L2HGDH: variants seen among roughly 807,000 people sequenced by gnomAD.
The protein encoded by L2HGDH is L-2-hydroxyglutarate dehydrogenase.
Under a neutral mutation model 51.5 loss-of-function variants are expected in L2HGDH, and 34 were observed. The ratio of observed to expected loss-of-function variants is 0.66; its 90% confidence interval spans 0.50 to 0.88. The LOEUF is 0.88. L2HGDH is among the 40% of genes least tolerant of loss of function. The probability of loss-of-function intolerance (pLI) is 0.00; values close to 1 mark genes in which losing one functional copy is unlikely to be tolerated. For missense variants in L2HGDH, 558 were observed against 571.9 expected (o/e 0.98, Z 0.25); for synonymous variants, 198 against 197.9 (o/e 1.00, Z -0.01).
At chr14:50,286,238 C>A (rs967685981) in intron 4 of L2HGDH, among the ~76,000 whole-genome samples, 2 of 152,152 alleles carry the variant, frequency 1.3e-5, no homozygotes, top group African/African-American at 4.8e-5. Context: ...ATGGCAAAAG[C>A]AGACCAGAGG....
intron 1 of L2HGDH, among the ~76,000 whole-genome samples, chr14:50,304,119 G>A (rs1187700848): frequency 6.6e-6 from 1 of 152,226 alleles, no homozygotes; most frequent in African/African-American, 2.4e-5. Context: ...TAGGCTACAA[G>A]CCTGTACAGC....
At chr14:50,291,311 T>A (rs1385771398) in intron 4 of L2HGDH, among the ~76,000 whole-genome samples, 3 of 151,998 alleles carry the variant, frequency 2.0e-5, no homozygotes, top group Admixed American at 6.6e-5. Context: ...TGCCAAGACT[T>A]TGACCATTTA....
chr14:50,274,000 C>A (rs1356274382), intron 6 of L2HGDH, among the ~76,000 whole-genome samples: 2 of 152,126 alleles, frequency 1.3e-5, no homozygotes, highest in Admixed American at 6.5e-5. Flanking sequence ...ATCGCTTGAA[C>A]CCAGGAGGCA....
In L2HGDH at chr14:50,303,969, G is replaced by A. The variant is rs1427657015; in HGVS notation, c.141-952C>T. Among the ~76,000 whole-genome samples the A allele has an allele frequency of 3.3e-5, 5 of 152,088 alleles. No individual in the cohort carries two copies. The East Asian group carries it at 7.7e-4, about 23-fold the overall frequency. On this transcript the variant is annotated intron_variant, in intron 1 of 9. Transcript: ENST00000267436. ...GTTACATAAGTGACTGCAGTCATGC[G>A]TTGCTTAACCATAGGGTTAGGTTCT...
At chr14:50,248,604 A>C (rs1323840712) in intron 9 of L2HGDH, among the ~76,000 whole-genome samples, 2 of 152,236 alleles carry the variant, frequency 1.3e-5, no homozygotes, top group East Asian at 3.8e-4. Context: ...GGTAAATAAG[A>C]ATTATAACAG....
intron 4 of L2HGDH, among the ~76,000 whole-genome samples, chr14:50,291,730 G>GA (rs1488791625): frequency 6.6e-6 from 1 of 151,886 alleles, no homozygotes; most frequent in African/African-American, 2.4e-5. Flanking sequence ...TCCTGGACTT[G>GA]AAAAAATACA....
At position 50,242,545 on chromosome 14, in the gene L2HGDH, G is replaced by A. The variant is rs995146474; in HGVS notation, c.*4513C>T. On this transcript the variant is annotated 3_prime_UTR_variant, in exon 10 of 10. Transcript: ENST00000267436. ...CAATACTTTCTAGGATTTGAGGCCA[G>A]AAAAGTAGAGTTGGTTGGTATCAAC... 4.3e-5 allele frequency: 42 copies of A among 984,676 alleles called. No homozygotes were observed. The highest frequency in any genetic ancestry group is 5.1e-5 in the Non-Finnish European group (42 of 829,360). The allele number at this position is 984,676 out of a possible 1,614,324, so 61.0% of individuals were successfully genotyped here.
At chr14:50,256,224 A>G (rs558117156) in intron 9 of L2HGDH, among the ~76,000 whole-genome samples, 33 of 152,206 alleles carry the variant, frequency 2.2e-4, no homozygotes, top group East Asian at 1.9e-4. Flanking sequence ...ATCTAAATAT[A>G]TAAGTCCATA....
chr14:50,247,311 C>T lies in L2HGDH; in HGVS notation c.1197-58G>A, dbSNP rs531434672. 1.5e-5 allele frequency: 24 copies of T among 1,576,180 alleles called. No individual in the cohort carries two copies. In the South Asian group the frequency reaches 1.8e-4, roughly 12 times the overall value. On this transcript the variant is annotated intron_variant, in intron 9 of 9. Transcript: ENST00000267436. ...CAAAGACATAGGATACTTTACAAGT[C>T]AGCGTTTCCAAAAAGTCTTAAAGCA...
At chr14:50,267,459 G>A (rs1889409696) in intron 8 of L2HGDH, among the ~76,000 whole-genome samples, 1 of 152,154 alleles carries the variant, frequency 6.6e-6, no homozygotes, top group South Asian at 2.1e-4. Context: ...TGGGATTACA[G>A]GCATGAGCCA....
chr14:50,254,133 G>A (rs572362346), intron 9 of L2HGDH, among the ~76,000 whole-genome samples: 8 of 152,112 alleles, frequency 5.3e-5, no homozygotes, highest in Middle Eastern at 3.4e-3. Flanking sequence ...TTGATAGCAC[G>A]ACAGGGAGAC....
Position 50,267,567 on chromosome 14 carries a change from TG to T in L2HGDH, c.1064+185del, listed in dbSNP as rs775211917. ...TTATTCCAAAAGGCATTTTTTTTTT[TG>T]TTTGTTTGTTTGTTTGTTTGCTACC... On this transcript the variant is annotated intron_variant, in intron 8 of 9. Coordinates refer to ENST00000267436, the MANE Select transcript of L2HGDH (RefSeq NM_024884.3). 6.5e-4 allele frequency among the ~76,000 whole-genome samples: 98 copies of T among 149,918 alleles called. 2 individuals are homozygous for T. The highest frequency in any genetic ancestry group is 1.5e-3 in the Admixed American group (23 of 14,930).
intron 1 of L2HGDH, among the ~76,000 whole-genome samples, chr14:50,303,604 C>G (rs1249834400): frequency 6.6e-6 from 1 of 151,400 alleles, no homozygotes; most frequent in Admixed American, 6.6e-5. Flanking sequence ...TGGTAAAACC[C>G]CATCTTTACT....
intron 4 of L2HGDH, among the ~76,000 whole-genome samples, chr14:50,286,654 A>G (rs1331158039): frequency 2.0e-5 from 3 of 152,360 alleles, no homozygotes; most frequent in Non-Finnish European, 4.4e-5. Context: ...ATATATTGCC[A>G]TCCCTAAATA....
intron 5 of L2HGDH, 129 bp from the exon 6 acceptor site, chr14:50,278,683 T>C (rs1890103314): frequency 1.7e-6 from 1 of 605,128 alleles, no homozygotes; most frequent in Admixed American, 3.0e-5. Context: ...CAGTTCATTC[T>C]GAAACTTTTT....
At chr14:50,290,331 G>C (rs982961311) in intron 4 of L2HGDH, among the ~76,000 whole-genome samples, 3 of 152,104 alleles carry the variant, frequency 2.0e-5, no homozygotes, top group Non-Finnish European at 2.9e-5. Context: ...ATTGGAATCA[G>C]ATAATTCAAA....
chr14:50,270,728 G>C (rs919700337), intron 6 of L2HGDH, among the ~76,000 whole-genome samples: 3 of 151,710 alleles, frequency 2.0e-5, no homozygotes, highest in African/African-American at 7.3e-5. Context: ...GGATGGTCTC[G>C]ATCTCCTGAC....
At chr14:50,304,101 A>T (rs929836088) in intron 1 of L2HGDH, among the ~76,000 whole-genome samples, 1 of 152,232 alleles carries the variant, frequency 6.6e-6, no homozygotes, top group African/African-American at 2.4e-5. Flanking sequence ...GGGATAGCTT[A>T]TTGCTCCTAG....
intron 4 of L2HGDH, among the ~76,000 whole-genome samples, chr14:50,285,921 A>G (rs778506532): frequency 6.6e-6 from 1 of 151,964 alleles, no homozygotes; most frequent in Non-Finnish European, 1.5e-5. Context: ...CCACCTATAC[A>G]TGTGTGTTGT....
Sources: allele counts gnomAD v4.1 joint callset (sites outside exome capture counted in the v4.1 genomes callset), GRCh38; gene constraint gnomAD v4.1.1; transcripts MANE v1.5; gene names NCBI Gene and HGNC (gene_info 2026-07-23, HGNC 2026-07-21).